The following RPTOR variants were observed in gnomAD, a reference collection of about 807,000 sequenced individuals.
RPTOR encodes the protein regulatory-associated protein of mTOR.
A neutral mutation model predicts 169.9 loss-of-function variants in RPTOR; 21 were observed. The observed-to-expected ratio is 0.12, with a 90% CI of 0.09 to 0.18. The LOEUF (loss-of-function observed/expected upper bound fraction) is 0.18. RPTOR is among the 10% of genes least tolerant of loss of function. The pLI, the probability that RPTOR is intolerant of heterozygous loss-of-function variation, is 1.00. For missense variants in RPTOR, 1,133 were observed against 1,855.9 expected (o/e 0.61, Z 7.16); for synonymous variants, 732 against 753.2 (o/e 0.97, Z 0.46).
Position 80,708,936 on chromosome 17 carries a change from A to G in RPTOR, c.507+937A>G. 1.0e-6 allele frequency: 1 copy of G among 985,704 alleles called. No homozygotes were observed. The highest frequency in any genetic ancestry group is 4.7e-5 in the South Asian group (1 of 21,254). The allele number at this position is 985,704 out of a possible 1,614,324, so 61.1% of individuals were successfully genotyped here. A position where few individuals can be genotyped will look rare whatever the true frequency, so the allele number is the denominator to read the frequency against. On this transcript the variant is annotated intron_variant, in intron 4 of 33. Transcript: ENST00000306801. The surrounding 1 kb of genome is among the most constrained non-coding windows in gnomAD (Gnocchi z 4.2). ...AGTGTGGACACCGCCTCCTGCCATC[A>G]TAGTGAGGACTCTGACTCCGTTTCT...
rs533664326 is a variant in RPTOR, at chr17:80,827,153, C to T, written c.1136+3930C>T. Among the ~76,000 whole-genome samples, 47 of 152,224 alleles carry T rather than the reference C, an allele frequency of 3.1e-4. 1 individual carries two copies. Among genetic ancestry groups the T allele is most frequent in the Non-Finnish European group, 5.4e-4 (37 of 68,044 alleles). The stretch of plus-strand genomic sequence containing the variant: ...TGCTGAAAGAAGAAAACCTCATTCA[C>T]AGATTACAGACCAGTCATGGCCCTT... On this transcript the variant is annotated intron_variant, in intron 9 of 33. Coordinates refer to ENST00000306801, the MANE Select transcript of RPTOR (RefSeq NM_020761.3).
intron 11 of RPTOR, among the ~76,000 whole-genome samples, chr17:80,849,159 A>T (rs2589151): frequency 6.6e-6 from 1 of 152,114 alleles, no homozygotes; most frequent in Non-Finnish European, 1.5e-5. Context: ...TTTCTCTTAA[A>T]AGCCTTTATT....
chr17:80,590,030 A>G (rs943478483), intron 1 of RPTOR, among the ~76,000 whole-genome samples: 1 of 152,260 alleles, frequency 6.6e-6, no homozygotes, highest in African/African-American at 2.4e-5. Flanking sequence ...TTCGTAGGCA[A>G]TCTCCATCAG....
At chr17:80,939,646 C>T (rs1238460135) in intron 24 of RPTOR, among the ~76,000 whole-genome samples, 2 of 152,184 alleles carry the variant, frequency 1.3e-5, no homozygotes, top group Admixed American at 6.5e-5. Flanking sequence ...CACACTCTCT[C>T]GGGGCCCGGC....
chr17:80,571,605 C>T (rs8067858), intron 1 of RPTOR, among the ~76,000 whole-genome samples: 8,384 of 152,092 alleles, frequency 0.055, 776 homozygotes, highest in African/African-American at 0.19. Flanking sequence ...ACTGCAGCCT[C>T]GACCTCCTGG....
At position 80,952,330 on chromosome 17, in the gene RPTOR, C is replaced by T. The variant is rs557426667; in HGVS notation, c.3370+2783C>T. Among the ~76,000 whole-genome samples the T allele has an allele frequency of 1.2e-3, 180 of 152,354 alleles. 1 individual carries two copies. The Middle Eastern group carries it at 0.014, about 12-fold the overall frequency. ...AGACAGAAGTGGTGCTCTCCATCTT[C>T]GTCAGGTGCTCACGGAGGGCCCACA... On this transcript the variant is annotated intron_variant, in intron 28 of 33. Coordinates refer to ENST00000306801, the MANE Select transcript of RPTOR (RefSeq NM_020761.3).
At chr17:80,715,100 A>C (rs912246069) in intron 4 of RPTOR, among the ~76,000 whole-genome samples, 1 of 152,248 alleles carries the variant, frequency 6.6e-6, no homozygotes. Flanking sequence ...AGAAATAACA[A>C]ACAGCAGAAA....
intron 2 of RPTOR, among the ~76,000 whole-genome samples, chr17:80,631,140 A>G (rs1186981728): frequency 2.0e-5 from 3 of 151,886 alleles, no homozygotes; most frequent in Non-Finnish European, 4.4e-5. Context: ...GTGTCTTGGG[A>G]CAGTGTGTTC....
At chr17:80,587,695 A>G (rs2065072816) in intron 1 of RPTOR, among the ~76,000 whole-genome samples, 1 of 152,126 alleles carries the variant, frequency 6.6e-6, no homozygotes, top group South Asian at 2.1e-4. Flanking sequence ...TATGAGATAC[A>G]ATGTGATGTT....
chr17:80,889,825 A>G (rs1188740110), intron 17 of RPTOR, among the ~76,000 whole-genome samples: 1 of 128,182 alleles, frequency 7.8e-6, no homozygotes, highest in Non-Finnish European at 1.8e-5. Flanking sequence ...CCCCGTACGC[A>G]GCAGGATGTG....
chr17:80,655,518 A>T (rs1047946287), intron 3 of RPTOR, among the ~76,000 whole-genome samples: 1 of 151,122 alleles, frequency 6.6e-6, no homozygotes, highest in African/African-American at 2.4e-5. Context: ...TCCTCTTGCC[A>T]TATCCTTTTG....
intron 24 of RPTOR, 43 bp downstream of exon 24, chr17:80,925,523 A>G (rs766332632): frequency 2.7e-6 from 4 of 1,456,552 alleles, no homozygotes; most frequent in East Asian, 2.3e-5. Flanking sequence ...CCTAGCGAAC[A>G]TGTGTCTGTC....
intron 1 of RPTOR, among the ~76,000 whole-genome samples, chr17:80,590,184 G>T (rs1396402471): frequency 6.6e-6 from 1 of 152,260 alleles, no homozygotes; most frequent in Non-Finnish European, 1.5e-5. Context: ...AAGTAGGCAT[G>T]CAGGTATGCG....
At position 80,823,349 on chromosome 17, in the gene RPTOR, A is replaced by C; in HGVS notation, c.1136+126A>C. 2 of 1,230,110 alleles carry C rather than the reference A, an allele frequency of 1.6e-6. No homozygotes were observed. Among genetic ancestry groups the C allele is most frequent in the South Asian group, 1.5e-5 (1 of 68,284 alleles). The allele number at this position is 1,230,110 out of a possible 1,614,324, so 76.2% of individuals were successfully genotyped here. On this transcript the variant is annotated intron_variant, in intron 9 of 33. Transcript: ENST00000306801. The surrounding 1 kb of genome is among the most constrained non-coding windows in gnomAD (Gnocchi z 4.5). ...AACTTGGGGACCCCGTGTAGCATTA[A>C]CAAGTGAAGCTAAATGCAGGGCTCC...
chr17:80,554,669 G>A (rs1014106584), intron 1 of RPTOR, among the ~76,000 whole-genome samples: 9 of 151,982 alleles, frequency 5.9e-5, no homozygotes, highest in East Asian at 1.9e-4. Context: ...GCGTGAACCC[G>A]GGAGGCAGAG....
At position 80,846,374 on chromosome 17, in the gene RPTOR, T is replaced by G. The variant is rs2067730424; in HGVS notation, c.1213-99T>G. The G allele has an allele frequency of 4.8e-6, 6 of 1,239,840 alleles. No homozygotes were observed. In the Admixed American group the frequency reaches 1.1e-4, roughly 22 times the overall value. The allele number at this position is 1,239,840 out of a possible 1,614,324, so 76.8% of individuals were successfully genotyped here. ...CCTCGCGGCCCTGCAGGGCGGGCCC[T>G]TCGTGAAGGCTTGGATGCCCGGCAG... On this transcript the variant is annotated intron_variant, in intron 10 of 33. Coordinates refer to ENST00000306801, the MANE Select transcript of RPTOR (RefSeq NM_020761.3).
chr17:80,862,199 C>T (rs560968948), intron 13 of RPTOR, among the ~76,000 whole-genome samples: 2 of 152,258 alleles, frequency 1.3e-5, no homozygotes, highest in East Asian at 3.9e-4. Context: ...TGCCTGCAGG[C>T]ATCACAGGCC....
At chr17:80,634,858 GTGTGTGTGTGCATACTGTGTGCATACTT>G (rs2065492758) in intron 2 of RPTOR, among the ~76,000 whole-genome samples, 1 of 46,760 alleles carries the variant, frequency 2.1e-5, no homozygotes, top group African/African-American at 1.1e-4. Flanking sequence ...TGTGCATACC[GTGTGTGTGTGCATACTGTGTGCATACTT>G]TGTGTGTGCA....
At chr17:80,833,198 G>A (rs994856434) in intron 9 of RPTOR, among the ~76,000 whole-genome samples, 9 of 152,212 alleles carry the variant, frequency 5.9e-5, no homozygotes, top group South Asian at 2.1e-4. Context: ...CTGGGCACCC[G>A]CCATCTCAGG....
Sources: gnomAD v4.1 joint callset for allele counts (sites outside exome capture counted in the v4.1 genomes callset) on GRCh38, gnomAD v4.1.1 for gene constraint, Gnocchi (gnomAD v3.1) non-coding constraint, MANE v1.5 for transcripts, NCBI Gene and HGNC (gene_info 2026-07-23, HGNC 2026-07-21) for gene names.